The following CHD6 variants were observed in gnomAD, a reference collection of about 807,000 sequenced individuals.
CHD6 encodes chromodomain helicase DNA binding protein 6, also known as ATP-dependent chromatin remodeler CHD6.
A neutral mutation model predicts 276.9 loss-of-function variants in CHD6; 50 were observed. That is an observed-to-expected ratio of 0.18 (90% CI 0.14 to 0.23). The LOEUF (loss-of-function observed/expected upper bound fraction) is 0.23. CHD6 is among the 10% of genes least tolerant of loss of function. CHD6 has a pLI of 1.00. For missense variants in CHD6, 2,564 were observed against 3,365.8 expected (o/e 0.76, Z 5.89); for synonymous variants, 1,173 against 1,229.3 (o/e 0.95, Z 0.96).
At chr20:41,407,446 C>T (rs925747570) in intron 36 of CHD6, among the ~76,000 whole-genome samples, 2 of 152,226 alleles carry the variant, frequency 1.3e-5, no homozygotes, top group Non-Finnish European at 2.9e-5. Flanking sequence ...GAGGATATCT[C>T]TGGGCTGAGA....
chr20:41,570,553 T>A (rs1451472963), intron 1 of CHD6, among the ~76,000 whole-genome samples: 3 of 152,166 alleles, frequency 2.0e-5, no homozygotes, highest in Admixed American at 6.5e-5. Context: ...GACTTAAGGG[T>A]TAAAGATTAT....
intron 25 of CHD6, among the ~76,000 whole-genome samples, chr20:41,444,266 C>T (rs2047994712): frequency 6.6e-6 from 1 of 152,202 alleles, no homozygotes; most frequent in Non-Finnish European, 1.5e-5. Flanking sequence ...TCTATCCCTG[C>T]ACTGTCCAAC....
chr20:41,497,180 T>A, intron 8 of CHD6: 1 of 545,090 alleles, frequency 1.8e-6, no homozygotes. Flanking sequence ...AGTTGTCAGT[T>A]TATAAGGTTT....
intron 30 of CHD6, 144 bp downstream of exon 30, chr20:41,423,348 T>C: frequency 1.4e-6 from 1 of 728,060 alleles, no homozygotes; most frequent in Non-Finnish European, 2.3e-6. Flanking sequence ...TAGAAGTTCA[T>C]GAATTTCTAA....
intron 1 of CHD6, among the ~76,000 whole-genome samples, chr20:41,574,836 C>G (rs1425734799): frequency 6.6e-6 from 1 of 152,108 alleles, no homozygotes; most frequent in Non-Finnish European, 1.5e-5. Flanking sequence ...GGCAGGGAAC[C>G]TAAGGCCGAT....
chr20:41,483,771 T>A (rs929063519), intron 15 of CHD6, among the ~76,000 whole-genome samples: 2 of 151,992 alleles, frequency 1.3e-5, no homozygotes, highest in African/African-American at 4.8e-5. Context: ...AGATACCAAG[T>A]CCTAAGCTGA....
intron 2 of CHD6, among the ~76,000 whole-genome samples, chr20:41,539,973 C>T (rs1245529933): frequency 2.6e-5 from 4 of 152,142 alleles, no homozygotes; most frequent in Non-Finnish European, 4.4e-5. Flanking sequence ...AAATACTATA[C>T]GAATGCTAGC....
chr20:41,538,210 G>C (rs896703255), intron 2 of CHD6, among the ~76,000 whole-genome samples: 1 of 152,188 alleles, frequency 6.6e-6, no homozygotes, highest in Non-Finnish European at 1.5e-5. Context: ...AATTAGCCAG[G>C]TGGGGTGGCA....
chr20:41,466,207 A>G (rs908743963), intron 17 of CHD6, among the ~76,000 whole-genome samples: 6 of 152,234 alleles, frequency 3.9e-5, no homozygotes, highest in Non-Finnish European at 7.3e-5. Flanking sequence ...ATCCCAAAAA[A>G]ACAAAAACAA....
In CHD6 at chr20:41,423,380, A is replaced by C. The variant is rs16985742; in HGVS notation, c.4555+112T>G. 1,811 of 959,444 alleles carry C rather than the reference A, an allele frequency of 1.9e-3. 28 individuals are homozygous for C. The African/African-American group carries it at 0.026, about 14-fold the overall frequency. 59.4% of individuals were successfully genotyped at this position (959,444 alleles called of 1,614,324 possible). ...CTAAAAGCCACTCATCTTTACCTAAATTCCTCATGTAGACTCTAGTTTTTA... is the reference window on the plus strand; with the variant it reads ...CTAAAAGCCACTCATCTTTACCTAACTTCCTCATGTAGACTCTAGTTTTTA... On this transcript the variant is annotated intron_variant, in intron 30 of 36. Transcript: ENST00000373233.
At chr20:41,555,284 G>A (rs2045212239) in intron 1 of CHD6, among the ~76,000 whole-genome samples, 2 of 129,546 alleles carry the variant, frequency 1.5e-5, no homozygotes, top group African/African-American at 2.9e-5. Context: ...GGGCAGAGGG[G>A]CTCCTCACCT....
rs200410567 is a variant in CHD6 at position 41,415,550 on chromosome 20, C to T, written c.6575G>A (p.Arg2192Gln). Residue 2192 changes from arginine to glutamine, a missense_variant, in exon 34 of 37, where the codon CGG becomes CAG. Around this residue, in one of 7 missense-constraint regions of CHD6, gnomAD observed 1,024 missense variants for 1,047.9 expected, o/e 0.98. Transcript: ENST00000373233. ...EFEVERDAKA[R>Q]GLEQFSATHG... ...GGTGGCAGAGAACTGCTCCAGGCCCCGAGCCTTTGCATCCCTCTCCACCTC... is the reference window on the plus strand; with the variant it reads ...GGTGGCAGAGAACTGCTCCAGGCCCTGAGCCTTTGCATCCCTCTCCACCTC... The T allele has an allele frequency of 2.6e-5, 42 of 1,614,070 alleles. No homozygotes were observed. The highest frequency in any genetic ancestry group is 1.7e-4 in the Middle Eastern group (1 of 6,056).
intron 17 of CHD6, chr20:41,461,624 T>C: frequency 6.5e-6 from 1 of 153,368 alleles, no homozygotes; most frequent in East Asian, 1.9e-4. Context: ...GAACTGTACG[T>C]CCAATTAAAC....
intron 2 of CHD6, among the ~76,000 whole-genome samples, chr20:41,546,371 TCCAAGCCG>T (rs2045043278): frequency 6.6e-6 from 1 of 152,136 alleles, no homozygotes; most frequent in Admixed American, 6.6e-5. Context: ...TCAAGTCAGC[TCCAAGCCG>T]TCATCCTACT....
intron 35 of CHD6, among the ~76,000 whole-genome samples, chr20:41,412,497 C>T (rs1036840125): frequency 1.3e-4 from 20 of 152,208 alleles, no homozygotes; most frequent in African/African-American, 4.8e-4. Flanking sequence ...CCCCGCCCTC[C>T]AGACTAGAAC....
At chr20:41,449,510 A>C (rs574269886) in intron 23 of CHD6, among the ~76,000 whole-genome samples, 1 of 152,292 alleles carries the variant, frequency 6.6e-6, no homozygotes, top group Middle Eastern at 3.4e-3. Context: ...TTCTCCTCCA[A>C]ATGGAAGGGA....
intron 2 of CHD6, 76 bp from the exon 3 acceptor site, chr20:41,533,646 A>G (rs2044747872): frequency 7.6e-7 from 1 of 1,311,642 alleles, no homozygotes; most frequent in Non-Finnish European, 1.0e-6. Context: ...CAGTTTGAAT[A>G]CATGGATTTG....
chr20:41,520,312 C>T (rs1302210971), intron 3 of CHD6, among the ~76,000 whole-genome samples: 5 of 152,182 alleles, frequency 3.3e-5, no homozygotes, highest in Non-Finnish European at 7.3e-5. Context: ...CCAGCAATCC[C>T]ATTACTGGGT....
intron 27 of CHD6, among the ~76,000 whole-genome samples, chr20:41,432,597 C>T (rs533252724): frequency 2.6e-5 from 4 of 151,674 alleles, no homozygotes; most frequent in Non-Finnish European, 2.9e-5. Context: ...GTGCCCCCCC[C>T]GACCTCTGTT....
Sources: allele counts gnomAD v4.1 joint callset (sites outside exome capture counted in the v4.1 genomes callset), GRCh38; gene constraint gnomAD v4.1.1; regional missense constraint gnomAD v4.1.1; transcripts MANE v1.5; gene names NCBI Gene and HGNC (gene_info 2026-07-23, HGNC 2026-07-21).